EEPD1: variants seen among roughly 807,000 people sequenced by gnomAD.
EEPD1 encodes the protein endonuclease/exonuclease/phosphatase family domain-containing protein 1.
In EEPD1, 17 loss-of-function variants were observed where a neutral mutation model predicts 46.3. The observed-to-expected ratio is 0.37, with a 90% confidence interval of 0.25 to 0.55. The LOEUF (loss-of-function observed/expected upper bound fraction) is 0.55, where lower values mean the gene tolerates loss of function less well. Among genes scored for constraint, EEPD1 ranks in the 20% least tolerant of loss-of-function variants. The probability of loss-of-function intolerance (pLI) is 0.83; values close to 1 mark genes in which losing one functional copy is unlikely to be tolerated. For synonymous variants in EEPD1, 313 were observed against 315.6 expected (o/e 0.99, Z 0.09); for missense variants, 673 against 745.6 (o/e 0.90, Z 1.13).
chr7:36,286,037 C>T (rs536704482), intron 5 of EEPD1, among the ~76,000 whole-genome samples: 3 of 152,122 alleles, frequency 2.0e-5, no homozygotes, highest in Non-Finnish European at 4.4e-5. Context: ...CCTAACACCA[C>T]CCTGGGCCCT....
chr7:36,175,485 G>T (rs1785161664), intron 2 of EEPD1, among the ~76,000 whole-genome samples: 1 of 151,676 alleles, frequency 6.6e-6, no homozygotes, highest in Non-Finnish European at 1.5e-5. Flanking sequence ...TCCCACCTTG[G>T]CCCCCAAAAG....
At chr7:36,210,313 A>G (rs1047594478) in intron 2 of EEPD1, among the ~76,000 whole-genome samples, 4 of 152,254 alleles carry the variant, frequency 2.6e-5, no homozygotes, top group African/African-American at 9.6e-5. Flanking sequence ...TACATTTCAT[A>G]AAGATGACAG....
At chr7:36,223,879 G>A (rs1160371134) in intron 2 of EEPD1, among the ~76,000 whole-genome samples, 1 of 152,218 alleles carries the variant, frequency 6.6e-6, no homozygotes, top group Non-Finnish European at 1.5e-5. Flanking sequence ...GCAGATGTAA[G>A]TAAAATAATA....
chr7:36,276,802 C>A (rs1336356365), intron 3 of EEPD1, among the ~76,000 whole-genome samples: 1 of 152,154 alleles, frequency 6.6e-6, no homozygotes, highest in African/African-American at 2.4e-5. Context: ...GTCCACCAAT[C>A]CAAGGTTTTA....
chr7:36,252,106 G>A (rs183402407), intron 3 of EEPD1, among the ~76,000 whole-genome samples: 64 of 152,148 alleles, frequency 4.2e-4, no homozygotes, highest in Middle Eastern at 6.8e-3. Context: ...TGAAAGTTTC[G>A]TTACTTCTTA....
chr7:36,294,913 C>T (rs145028226), intron 6 of EEPD1, among the ~76,000 whole-genome samples: 70 of 152,218 alleles, frequency 4.6e-4, no homozygotes, highest in African/African-American at 1.6e-3. Flanking sequence ...CACGGTGGCT[C>T]ACGCCTATAA....
chr7:36,236,623 A>G (rs923505738), intron 2 of EEPD1, among the ~76,000 whole-genome samples: 17 of 152,138 alleles, frequency 1.1e-4, no homozygotes, highest in African/African-American at 3.9e-4. Context: ...GGACTTGGAG[A>G]ACTTTTCTAG....
Position 36,267,291 on chromosome 7 carries a change from A to G in EEPD1, c.931-13824A>G, listed in dbSNP as rs555100600. On this transcript the variant is annotated intron_variant, in intron 3 of 7. Transcript: ENST00000242108. ...CAGTGATCTTAGGATTGCTCAAGGG[A>G]TAAGAAACACATTTCTTTCAGGGTA... Among the ~76,000 whole-genome samples, 3 of 152,310 alleles carry G rather than the reference A, an allele frequency of 2.0e-5. No individual in the cohort carries two copies. In the East Asian group the frequency reaches 5.8e-4, roughly 29 times the overall value.
chr7:36,228,694 G>C (rs986081651), intron 2 of EEPD1: 1 of 152,208 alleles, frequency 6.6e-6, no homozygotes, highest in Admixed American at 6.5e-5. Flanking sequence ...GATTGTGATA[G>C]ATAGGAGGAT....
Position 36,247,568 on chromosome 7 carries a change from G to C in EEPD1, c.930+8532G>C, listed in dbSNP as rs1052723748. On this transcript the variant is annotated intron_variant, in intron 3 of 7. Transcript: ENST00000242108. ...ATCCCAGAACTTCAGAATCAAGGGA[G>C]ACTTTTAAAACCATCTAATCCAACC... Among the ~76,000 whole-genome samples, 5 of 152,336 alleles carry C rather than the reference G, an allele frequency of 3.3e-5. 1 individual carries two copies. In the South Asian group the frequency reaches 6.2e-4, roughly 19 times the overall value.
At chr7:36,175,495 G>C (rs543683326) in intron 2 of EEPD1, among the ~76,000 whole-genome samples, 8 of 151,812 alleles carry the variant, frequency 5.3e-5, no homozygotes, top group African/African-American at 1.9e-4. Context: ...GCCCCCAAAA[G>C]TGTTGGGATT....
At chr7:36,198,605 C>T (rs958287086) in intron 2 of EEPD1, among the ~76,000 whole-genome samples, 5 of 152,148 alleles carry the variant, frequency 3.3e-5, no homozygotes, top group Non-Finnish European at 7.3e-5. Flanking sequence ...TGGGGCATCA[C>T]GCATGACTCA....
chr7:36,199,111 T>C (rs1043224973), intron 2 of EEPD1, among the ~76,000 whole-genome samples: 1 of 152,140 alleles, frequency 6.6e-6, no homozygotes, highest in African/African-American at 2.4e-5. Context: ...TCCACTGGAA[T>C]CTGGGAGCTC....
Position 36,287,696 on chromosome 7 carries a change from G to A in EEPD1, c.1234G>A (p.Gly412Arg). ...NLHLAALTLL[G>R]SENPSKNHSD... is the part of the protein sequence containing the mutation. ...TCACCTGGCAGCCCTGACCCTCCTGGGGAGCGAGAATCCCAGCAAGAATCA... is the reference window on the plus strand; with the variant it reads ...TCACCTGGCAGCCCTGACCCTCCTGAGGAGCGAGAATCCCAGCAAGAATCA... The change falls in exon 6 of 8, where the codon GGG becomes AGG. Residue 412 changes from glycine to arginine, a missense_variant. Coordinates refer to ENST00000242108, the MANE Select transcript of EEPD1 (RefSeq NM_030636.3). 1 of 1,614,150 alleles carries A rather than the reference G, an allele frequency of 6.2e-7. No homozygotes were observed. Among genetic ancestry groups the A allele is most frequent in the Non-Finnish European group, 8.5e-7 (1 of 1,180,020 alleles).
chr7:36,262,931 C>T (rs1432967031), intron 3 of EEPD1, among the ~76,000 whole-genome samples: 1 of 152,118 alleles, frequency 6.6e-6, no homozygotes, highest in Non-Finnish European at 1.5e-5. Context: ...ACCTGATGGT[C>T]GCTTGACAGT....
At chr7:36,282,618 G>A (rs1202934166) in intron 4 of EEPD1, among the ~76,000 whole-genome samples, 4 of 152,232 alleles carry the variant, frequency 2.6e-5, no homozygotes, top group Non-Finnish European at 4.4e-5. Flanking sequence ...AAATGGGAGC[G>A]ATAGCCCTTT....
intron 2 of EEPD1, among the ~76,000 whole-genome samples, chr7:36,232,481 G>A (rs929036809): frequency 1.3e-5 from 2 of 151,898 alleles, no homozygotes; most frequent in African/African-American, 4.8e-5. Flanking sequence ...TGGGATTACA[G>A]ACGTGATACT....
intron 2 of EEPD1, among the ~76,000 whole-genome samples, chr7:36,210,442 C>T (rs1028390659): frequency 2.0e-5 from 3 of 152,272 alleles, no homozygotes; most frequent in South Asian, 2.1e-4. Context: ...CTGAAAATAG[C>T]GAGAGGATTT....
chr7:36,243,116 C>G (rs1398076871), intron 3 of EEPD1, among the ~76,000 whole-genome samples: 1 of 152,200 alleles, frequency 6.6e-6, no homozygotes, highest in Admixed American at 6.5e-5. Flanking sequence ...CTGTTAGAAA[C>G]GTAGAATCTC....
Sources: allele counts gnomAD v4.1 joint callset (sites outside exome capture counted in the v4.1 genomes callset), GRCh38; gene constraint gnomAD v4.1.1; transcripts MANE v1.5; gene names NCBI Gene and HGNC (gene_info 2026-07-23, HGNC 2026-07-21).